CCDC150: variants seen among roughly 807,000 people sequenced by gnomAD.
CCDC150 encodes coiled-coil domain containing 150.
CCDC150 carries 151 observed loss-of-function variants against 156.5 expected under a neutral mutation model. The observed-to-expected ratio is 0.97, with a 90% confidence interval of 0.85 to 1.10. The LOEUF is 1.10. Among genes scored for constraint, CCDC150 ranks in the 50% least tolerant of loss-of-function variants. CCDC150 has a pLI of 0.00. For missense variants in CCDC150, 1,312 were observed against 1,268.1 expected (o/e 1.03, Z -0.53); for synonymous variants, 452 against 429.4 (o/e 1.05, Z -0.65).
intron 13 of CCDC150, among the ~76,000 whole-genome samples, chr2:196,678,768 C>T (rs906864711): frequency 1.3e-4 from 20 of 151,962 alleles, no homozygotes; most frequent in African/African-American, 4.1e-4. Context: ...TAACCAGGTG[C>T]GGTGGCGCAC....
At chr2:196,666,484 G>T (rs773256584) in intron 6 of CCDC150, among the ~76,000 whole-genome samples, 3 of 152,138 alleles carry the variant, frequency 2.0e-5, no homozygotes, top group African/African-American at 4.8e-5. Flanking sequence ...ATATTCAAGT[G>T]CTCAGTAGCC....
At chr2:196,719,866 A>T (rs1697776904) in intron 19 of CCDC150, 200 bp downstream of exon 19, 1 of 411,486 alleles carries the variant, frequency 2.4e-6, no homozygotes, top group South Asian at 4.2e-5. Flanking sequence ...AAATGCCCCT[A>T]TTGTGTAGTG....
At chr2:196,713,612 G>A in intron 17 of CCDC150, 1 of 1,509,296 alleles carries the variant, frequency 6.6e-7, no homozygotes, top group Non-Finnish European at 8.8e-7. Context: ...AAGACTGGAA[G>A]GCAAAATAGA....
intron 13 of CCDC150, among the ~76,000 whole-genome samples, chr2:196,681,943 TA>T (rs1241556777): frequency 6.6e-6 from 1 of 152,148 alleles, no homozygotes; most frequent in Admixed American, 6.5e-5. Flanking sequence ...CTTTGATGCA[TA>T]AAAGTTTTAA....
chr2:196,674,175 A>G (rs532847888), intron 9 of CCDC150, 66 bp from the exon 10 acceptor site: 1 of 960,398 alleles, frequency 1.0e-6, no homozygotes, highest in African/African-American at 1.7e-5. Flanking sequence ...ATTAAAAATA[A>G]TAATACATAA....
rs397987214 is a variant in CCDC150 at position 196,671,427 on chromosome 2, C to CTTTTTTT, written c.937-904_937-898dup. On this transcript the variant is annotated intron_variant, in intron 8 of 27. Coordinates refer to ENST00000389175, the MANE Select transcript of CCDC150 (RefSeq NM_001080539.2). ...GCACATTTTTCTTTCTTTTCTCTCT[C>CTTTTTTT]TTTTTTTTTTTTTTTTTTTTGAGAC... Among the ~76,000 whole-genome samples the CTTTTTTT allele has an allele frequency of 1.3e-4, 14 of 108,608 alleles. 1 individual carries two copies. The highest frequency in any genetic ancestry group is 2.9e-4 in the East Asian group (1 of 3,440). 71.3% of individuals were successfully genotyped at this position (108,608 alleles called of 152,430 possible). A position where few individuals can be genotyped will look rare whatever the true frequency, so the allele number is the denominator to read the frequency against.
In CCDC150 at chr2:196,721,601, A is replaced by C. The variant is rs748416105; in HGVS notation, c.2339A>C (p.Gln780Pro). Residue 780 changes from glutamine (Q) to proline (P), a missense_variant, in exon 21 of 28, where the codon CAG becomes CCG. Transcript: ENST00000389175. ...KLAMSLEQAL[Q>P]TNNHLQTKLD... ...GCTATGAGTCTGGAACAAGCTCTCCAGACAAATAATCATCTGCAAACAAAG... is the reference window on the plus strand; with the variant it reads ...GCTATGAGTCTGGAACAAGCTCTCCCGACAAATAATCATCTGCAAACAAAG... 3 of 1,608,096 alleles carry C rather than the reference A, an allele frequency of 1.9e-6. No individual in the cohort carries two copies. The highest frequency in any genetic ancestry group is 2.5e-6 in the Non-Finnish European group (3 of 1,177,438).
At chr2:196,646,690 A>G (rs1692563436) in intron 2 of CCDC150, among the ~76,000 whole-genome samples, 186 bp downstream of exon 2, 1 of 152,334 alleles carries the variant, frequency 6.6e-6, no homozygotes, top group South Asian at 2.1e-4. Context: ...TAGAGCTACT[A>G]TCACTTTTTT....
intron 15 of CCDC150, among the ~76,000 whole-genome samples, chr2:196,704,358 A>G (rs1003171086): frequency 2.6e-5 from 4 of 152,146 alleles, no homozygotes; most frequent in Non-Finnish European, 5.9e-5. Flanking sequence ...GCTAGTTCTT[A>G]ATTGCTTGCA....
chr2:196,723,812 T>C (rs374923618), intron 21 of CCDC150, among the ~76,000 whole-genome samples: 13 of 152,058 alleles, frequency 8.5e-5, no homozygotes, highest in South Asian at 4.1e-4. Flanking sequence ...TCTGTAGATA[T>C]AGAAGATCAC....
intron 5 of CCDC150, among the ~76,000 whole-genome samples, chr2:196,662,444 ATTAG>A (rs1290542212): frequency 1.3e-5 from 2 of 152,186 alleles, no homozygotes; most frequent in African/African-American, 2.4e-5. Context: ...ATCATCAGGC[ATTAG>A]TTAGATTCTC....
Position 196,657,890 on chromosome 2 carries a change from G to A in CCDC150, c.576+754G>A, listed in dbSNP as rs149789737. On this transcript the variant is annotated intron_variant, in intron 4 of 27. Transcript: ENST00000389175. ...TACCTGTTGTCTTGTTGTTACCCGG[G>A]TTTGAACCTGGATCTTTCTACTCGG... Among the ~76,000 whole-genome samples, 791 of 152,266 alleles carry A rather than the reference G, an allele frequency of 5.2e-3. 5 individuals are homozygous for A. Among genetic ancestry groups the A allele is most frequent in the African/African-American group, 0.018 (759 of 41,540 alleles).
intron 5 of CCDC150, among the ~76,000 whole-genome samples, chr2:196,664,015 T>G (rs1693702779): frequency 1.3e-5 from 2 of 152,300 alleles, no homozygotes; most frequent in Admixed American, 1.3e-4. Flanking sequence ...TTAACCTTCT[T>G]TATATTTTAT....
chr2:196,698,839 C>G (rs561700971), intron 14 of CCDC150, among the ~76,000 whole-genome samples: 9 of 152,170 alleles, frequency 5.9e-5, no homozygotes, highest in East Asian at 3.8e-4. Flanking sequence ...ATCCCTCCCC[C>G]CTCTCCCCAC....
In CCDC150 at chr2:196,676,718, G is replaced by T; in HGVS notation, c.1427G>T (p.Arg476Ile). 2 of 1,612,678 alleles carry T rather than the reference G, an allele frequency of 1.2e-6. No individual in the cohort carries two copies. The highest frequency in any genetic ancestry group is 8.5e-7 in the Non-Finnish European group (1 of 1,179,140). Residue 476 changes from arginine (R) to isoleucine (I), a missense_variant, in exon 12 of 28, where the codon AGA becomes ATA. Coordinates refer to ENST00000389175, the MANE Select transcript of CCDC150 (RefSeq NM_001080539.2). ...AAGTCTCTGCTAGAGGAGAAAGAAA[G>T]ATTTCAGAGGGAGGTAGGTAGAAGC... ...EKKSLLEEKE[R>I]FQREVNKTEK...
At chr2:196,659,577 A>G (rs1693430990) in intron 5 of CCDC150, among the ~76,000 whole-genome samples, 1 of 152,164 alleles carries the variant, frequency 6.6e-6, no homozygotes, top group Non-Finnish European at 1.5e-5. Flanking sequence ...TATTTGGAAA[A>G]TTGTCTTATA....
intron 13 of CCDC150, among the ~76,000 whole-genome samples, chr2:196,683,663 TG>T (rs1694969922): frequency 6.6e-6 from 1 of 152,082 alleles, no homozygotes; most frequent in Admixed American, 6.5e-5. Flanking sequence ...TAGAAGGTTT[TG>T]TTTCTTTGTT....
intron 15 of CCDC150, among the ~76,000 whole-genome samples, chr2:196,702,896 A>C (rs10205234): frequency 0.78 from 118,514 of 151,982 alleles, 46,408 homozygotes; most frequent in East Asian, 0.97. Context: ...CCTCATGCTG[A>C]CTCATGTCAT....
At chr2:196,643,205 A>C (rs1027537913) in intron 1 of CCDC150, among the ~76,000 whole-genome samples, 1 of 152,180 alleles carries the variant, frequency 6.6e-6, no homozygotes, top group African/African-American at 2.4e-5. Flanking sequence ...CCTGCCAACC[A>C]TCAATCAGTG....
Sources: gnomAD v4.1 joint callset for allele counts (sites outside exome capture counted in the v4.1 genomes callset) on GRCh38, gnomAD v4.1.1 for gene constraint, MANE v1.5 for transcripts, NCBI Gene and HGNC (gene_info 2026-07-23, HGNC 2026-07-21) for gene names.